The following PTPRD variants were observed in gnomAD, a reference collection of about 807,000 sequenced individuals.
PTPRD encodes the protein protein tyrosine phosphatase receptor type D.
In PTPRD, 34 loss-of-function variants were observed where a neutral mutation model predicts 214.5. The observed-to-expected ratio is 0.16, with a 90% CI of 0.12 to 0.21. PTPRD has a LOEUF of 0.21. Ranked by LOEUF, PTPRD falls within the 10% of genes least tolerant of loss-of-function variation. The pLI is 1.00. For missense variants in PTPRD, 2,545 were observed against 2,398.7 expected (o/e 1.06, Z -1.27); for synonymous variants, 1,128 against 845.7 (o/e 1.33, Z -5.79).
intron 9 of PTPRD, among the ~76,000 whole-genome samples, chr9:9,238,967 G>T (rs57210926): frequency 0.086 from 12,996 of 151,980 alleles, 720 homozygotes; most frequent in African/African-American, 0.16. Context: ...AGACAGCCAC[G>T]GTGTGTCTTT....
chr9:8,466,618 G>A (rs1244646328), intron 31 of PTPRD, among the ~76,000 whole-genome samples: 1 of 151,876 alleles, frequency 6.6e-6, no homozygotes, highest in Admixed American at 6.6e-5. Flanking sequence ...GGAAAGGTCT[G>A]TATTAGTCTG....
At chr9:9,300,071 G>A (rs770178433) in intron 9 of PTPRD, among the ~76,000 whole-genome samples, 4 of 149,270 alleles carry the variant, frequency 2.7e-5, no homozygotes, top group Non-Finnish European at 4.5e-5. Context: ...CCACCTCTAT[G>A]GCCACTGTCC....
intron 2 of PTPRD, among the ~76,000 whole-genome samples, chr9:10,418,266 T>C (rs2098512149): frequency 6.6e-6 from 1 of 151,842 alleles, no homozygotes; most frequent in African/African-American, 2.4e-5. Context: ...TAGCATTATG[T>C]TTCCCAATGG....
intron 2 of PTPRD, among the ~76,000 whole-genome samples, chr9:10,556,590 T>A (rs530607575): frequency 2.6e-5 from 4 of 152,234 alleles, no homozygotes; most frequent in Admixed American, 2.0e-4. Flanking sequence ...TTCCTGTTTT[T>A]AATCCCTAGG....
intron 3 of PTPRD, among the ~76,000 whole-genome samples, chr9:10,253,975 A>G (rs1454986646): frequency 1.3e-5 from 2 of 152,162 alleles, no homozygotes; most frequent in Admixed American, 1.3e-4. Flanking sequence ...AGATTAAACA[A>G]CCCTAATTCT....
intron 11 of PTPRD, among the ~76,000 whole-genome samples, chr9:8,892,378 G>A (rs778539412): frequency 7.9e-5 from 12 of 152,036 alleles, no homozygotes; most frequent in Non-Finnish European, 1.3e-4. Context: ...GGACTCCACA[G>A]AAATCCTTGC....
chr9:10,548,861 G>C (rs1186685455), intron 2 of PTPRD, among the ~76,000 whole-genome samples: 4 of 152,170 alleles, frequency 2.6e-5, no homozygotes, highest in Admixed American at 2.6e-4. Context: ...TCTCACTGGA[G>C]AAATGGAAAT....
At chr9:8,878,033 G>A (rs899912324) in intron 11 of PTPRD, among the ~76,000 whole-genome samples, 3 of 152,172 alleles carry the variant, frequency 2.0e-5, no homozygotes, top group African/African-American at 7.2e-5. Flanking sequence ...CTACCCTCAA[G>A]TATACACTTT....
At chr9:10,438,719 G>GA (rs553752990) in intron 2 of PTPRD, among the ~76,000 whole-genome samples, 21 of 151,708 alleles carry the variant, frequency 1.4e-4, no homozygotes, top group Non-Finnish European at 2.7e-4. Flanking sequence ...TACTGAAAGA[G>GA]AAAAAATATA....
At chr9:8,521,571 A>G (rs1486229983) in intron 19 of PTPRD, 25 bp from the exon 20 acceptor site, 5 of 1,608,016 alleles carry the variant, frequency 3.1e-6, no homozygotes, top group East Asian at 2.2e-5. Flanking sequence ...AAGGGAAATG[A>G]TAACATATAC....
At chr9:8,390,266 C>T (rs1394683567) in intron 36 of PTPRD, among the ~76,000 whole-genome samples, 1 of 152,152 alleles carries the variant, frequency 6.6e-6, no homozygotes, top group Admixed American at 6.6e-5. Flanking sequence ...AAACTCTGAA[C>T]ATCGCTTACA....
rs1822260438 is a variant in PTPRD, at chr9:8,316,927, G to A, written c.*947C>T. On this transcript the variant is annotated 3_prime_UTR_variant, in exon 46 of 46. Coordinates refer to ENST00000381196, the MANE Select transcript of PTPRD (RefSeq NM_002839.4). ...TGATAACTGTATCTATTTTTTGTGT[G>A]GACACACTGTCTATATATACATAGA... The A allele has an allele frequency of 4.3e-6, 1 of 231,066 alleles. No homozygotes were observed. The highest frequency in any genetic ancestry group is 5.7e-5 in the Admixed American group (1 of 17,696). The allele number at this position is 231,066 out of a possible 1,614,324, so 14.3% of individuals were successfully genotyped here.
intron 7 of PTPRD, among the ~76,000 whole-genome samples, chr9:9,662,437 C>A (rs1462310898): frequency 2.0e-5 from 3 of 151,568 alleles, no homozygotes; most frequent in African/African-American, 7.2e-5. Flanking sequence ...CTTAAGAGAA[C>A]ACATTTGTGC....
chr9:9,610,632 T>C (rs1341766195), intron 7 of PTPRD, among the ~76,000 whole-genome samples: 1 of 152,154 alleles, frequency 6.6e-6, no homozygotes, highest in Non-Finnish European at 1.5e-5. Flanking sequence ...CAGGGGATGT[T>C]TGAAAACTTG....
intron 3 of PTPRD, among the ~76,000 whole-genome samples, chr9:10,177,808 T>C (rs1458874770): frequency 6.6e-6 from 1 of 152,128 alleles, no homozygotes; most frequent in South Asian, 2.1e-4. Context: ...CTGACTCATC[T>C]GTAAATTTCA....
intron 8 of PTPRD, among the ~76,000 whole-genome samples, chr9:9,456,104 G>A (rs2092959545): frequency 6.6e-6 from 1 of 151,772 alleles, no homozygotes; most frequent in Non-Finnish European, 1.5e-5. Flanking sequence ...AACTGTTACA[G>A]GTAGAATACG....
chr9:8,608,196 C>T (rs558154809), intron 14 of PTPRD, among the ~76,000 whole-genome samples: 1 of 151,986 alleles, frequency 6.6e-6, no homozygotes, highest in East Asian at 1.9e-4. Flanking sequence ...ATTACTGTTA[C>T]CCTATTAACC....
At chr9:8,579,689 C>A (rs1380667097) in intron 14 of PTPRD, among the ~76,000 whole-genome samples, 1 of 152,130 alleles carries the variant, frequency 6.6e-6, no homozygotes, top group Admixed American at 6.5e-5. Flanking sequence ...GGGTATTGAC[C>A]AGATCTGGGA....
intron 9 of PTPRD, among the ~76,000 whole-genome samples, chr9:9,232,227 G>C (rs1461810704): frequency 6.6e-6 from 1 of 152,158 alleles, no homozygotes; most frequent in Admixed American, 6.6e-5. Context: ...AGGTTTAGAA[G>C]AGTTGCATAA....
Sources: gnomAD v4.1 joint callset for allele counts (sites outside exome capture counted in the v4.1 genomes callset) on GRCh38, gnomAD v4.1.1 for gene constraint, MANE v1.5 for transcripts, NCBI Gene and HGNC (gene_info 2026-07-23, HGNC 2026-07-21) for gene names.